MYLK3: variants seen among roughly 807,000 people sequenced by gnomAD.
MYLK3 encodes myosin light chain kinase 3.
In MYLK3, 55 loss-of-function variants were observed where a neutral mutation model predicts 76.3. The ratio of observed to expected loss-of-function variants is 0.72; its 90% confidence interval spans 0.58 to 0.90. The LOEUF is 0.90. Among genes scored for constraint, MYLK3 ranks in the 40% least tolerant of loss-of-function variants. The probability of loss-of-function intolerance (pLI) is 0.00; values close to 1 mark genes in which losing one functional copy is unlikely to be tolerated. For missense variants in MYLK3, 973 were observed against 1,053.6 expected, an observed-to-expected ratio of 0.92 and a Z score of 1.06; for synonymous variants, 416 against 425.4, an observed-to-expected ratio of 0.98 and a Z score of 0.27.
intron 1 of MYLK3, among the ~76,000 whole-genome samples, chr16:46,747,094 C>T (rs1309084224): frequency 6.6e-6 from 1 of 152,186 alleles, no homozygotes; most frequent in African/African-American, 2.4e-5. Flanking sequence ...ACCTCACCCC[C>T]CATATCCTTC....
rs760109799 is a variant in MYLK3, at chr16:46,747,920, C to T, written c.274G>A (p.Glu92Lys). ...PHIDTQAGWP[E>K]VLELVRAMQQ... ...ATGGCCCTCACCAGCTCCAGGACCT[C>T]GGGCCACCCAGCCTGGGTGTCAATG... The change falls in exon 1 of 13, where the codon GAG (glutamate) becomes AAG (lysine). Residue 92 changes from glutamate (E) to lysine (K), a missense_variant. Physicochemically the swap from Glu to Lys is moderately conservative, Grantham distance 56. Transcript: ENST00000394809. 8 of 1,613,594 alleles carry T rather than the reference C, an allele frequency of 5.0e-6. No homozygotes were observed. The highest frequency in any genetic ancestry group is 4.5e-5 in the East Asian group (2 of 44,886).
intron 3 of MYLK3, among the ~76,000 whole-genome samples, chr16:46,733,817 G>A (rs187428130): frequency 6.6e-6 from 1 of 152,292 alleles, no homozygotes; most frequent in East Asian, 1.9e-4. Context: ...AGGTGGCCTC[G>A]ATTCTGGGCT....
chr16:46,709,097 T>A (rs1966656108), intron 12 of MYLK3, among the ~76,000 whole-genome samples: 1 of 152,198 alleles, frequency 6.6e-6, no homozygotes, highest in Admixed American at 6.5e-5. Flanking sequence ...CCCTAAATAA[T>A]CTTTCTGTTT....
At chr16:46,713,482 G>A (rs1966705933) in intron 9 of MYLK3, among the ~76,000 whole-genome samples, 1 of 152,098 alleles carries the variant, frequency 6.6e-6, no homozygotes, top group Non-Finnish European at 1.5e-5. Context: ...ACATGCATGA[G>A]CCACTACACC....
intron 9 of MYLK3, among the ~76,000 whole-genome samples, chr16:46,719,730 GC>G (rs1311005711): frequency 6.6e-6 from 1 of 152,212 alleles, no homozygotes; most frequent in East Asian, 1.9e-4. Context: ...CACCACCCCT[GC>G]CCTCCAGGAA....
In MYLK3 at chr16:46,730,488, G is replaced by C. The variant is rs114514148; in HGVS notation, c.1568+105C>G. ...ACCCCAGCCTTGGCTCCATCAGCTC[G>C]AGAGAGAGTCATCCTGCAGCACCCA... is the stretch of plus-strand genomic sequence containing the variant. On this transcript the variant is annotated intron_variant, in intron 5 of 12. Coordinates refer to ENST00000394809, the MANE Select transcript of MYLK3 (RefSeq NM_182493.3). The C allele has an allele frequency of 2.1e-3, 1,914 of 912,124 alleles. 22 individuals are homozygous for C. In the African/African-American group the frequency reaches 0.027, roughly 13 times the overall value. 56.5% of individuals were successfully genotyped at this position (912,124 alleles called of 1,614,324 possible).
At chr16:46,723,650 CTTT>C (rs34270947) in intron 8 of MYLK3, among the ~76,000 whole-genome samples, 1 of 130,514 alleles carries the variant, frequency 7.7e-6, no homozygotes, top group African/African-American at 2.9e-5. Flanking sequence ...CTAGCTGATG[CTTT>C]TTTTTTTTTT....
At chr16:46,729,454 G>T in intron 6 of MYLK3, 140 bp downstream of exon 6, 1 of 784,146 alleles carries the variant, frequency 1.3e-6, no homozygotes, top group African/African-American at 1.7e-5. Flanking sequence ...GAAGGGGACT[G>T]CCTGACTGGA....
chr16:46,714,211 A>G (rs1173798197), intron 9 of MYLK3, among the ~76,000 whole-genome samples: 2 of 152,212 alleles, frequency 1.3e-5, no homozygotes, highest in Non-Finnish European at 2.9e-5. Flanking sequence ...ATACATGTAT[A>G]GCATCTCTTT....
At chr16:46,743,560 C>T (rs1014957837) in intron 1 of MYLK3, among the ~76,000 whole-genome samples, 7 of 152,188 alleles carry the variant, frequency 4.6e-5, no homozygotes, top group Non-Finnish European at 8.8e-5. Context: ...AACCTAAAGA[C>T]ATTCCTAACA....
At chr16:46,730,762 G>C (rs56317718) in intron 4 of MYLK3, 64 bp from the exon 5 acceptor site, 790 of 1,429,046 alleles carry the variant, frequency 5.5e-4, no homozygotes, top group Non-Finnish European at 7.2e-4. Flanking sequence ...TCGGTCACCT[G>C]TGCCAGACCC....
intron 8 of MYLK3, chr16:46,726,414 A>T (rs533980845): frequency 2.6e-5 from 4 of 152,082 alleles, no homozygotes; most frequent in South Asian, 4.2e-4. Context: ...TCTATACAAA[A>T]TACAAAAATT....
At chr16:46,710,823 A>C (rs1966676374) in intron 10 of MYLK3, 34 bp from the exon 11 acceptor site, 2 of 1,613,158 alleles carry the variant, frequency 1.2e-6, no homozygotes, top group African/African-American at 2.7e-5. Context: ...CAGTAGGTGG[A>C]GGCCACATTT....
chr16:46,740,532 C>A (rs1966912265), intron 1 of MYLK3, among the ~76,000 whole-genome samples: 1 of 37,802 alleles, frequency 2.6e-5, no homozygotes. Context: ...TATATATATA[C>A]ATACATATAT....
In MYLK3 at chr16:46,703,822, C is replaced by T. The variant is rs1966599600; in HGVS notation, c.*3882G>A. 1.3e-5 allele frequency: 2 copies of T among 153,770 alleles called. No individual in the cohort carries two copies. Among genetic ancestry groups the T allele is most frequent in the South Asian group, 4.1e-4 (2 of 4,830 alleles). The allele number at this position is 153,770 out of a possible 1,614,324, so 9.5% of individuals were successfully genotyped here. ...AAAATTGTTAGATACAGGATTCTCT[C>T]TAGATCTGCCCTGTCCAATATAGAT... is the stretch of plus-strand genomic sequence containing the variant. On this transcript the variant is annotated 3_prime_UTR_variant, in exon 13 of 13. Transcript: ENST00000394809.
intron 1 of MYLK3, among the ~76,000 whole-genome samples, chr16:46,745,473 G>A (rs1967005832): frequency 1.3e-5 from 2 of 152,202 alleles, no homozygotes; most frequent in Admixed American, 1.3e-4. Flanking sequence ...GCCAGGAGCG[G>A]TAACTCACAC....
rs1378535505 is a variant in MYLK3 at position 46,729,595 on chromosome 16, C to T, written c.1661G>A (p.Arg554Gln). The T allele has an allele frequency of 9.9e-6, 16 of 1,613,362 alleles. No individual in the cohort carries two copies. The highest frequency in any genetic ancestry group is 4.0e-5 in the African/African-American group (3 of 74,848). Residue 554 changes from arginine to glutamine, a missense_variant and splice_region_variant, in exon 6 of 13, where the codon CGG becomes CAG. By Grantham distance (43) the Arg-to-Gln change is conservative (BLOSUM62 1). Coordinates refer to ENST00000394809, the MANE Select transcript of MYLK3 (RefSeq NM_182493.3). ...KIIKVKSAKD[R>Q]EDVKNEINIM... ...ACCTGGCCCAGCCAGATGCCTCACC[C>T]GGTCCTTGGCGCTCTTCACTTTGAT... is the stretch of plus-strand genomic sequence containing the variant.
chr16:46,740,084 G>A lies in MYLK3; in HGVS notation c.541C>T (p.Gln181Ter), dbSNP rs1966904003. The A allele has an allele frequency of 6.2e-7, 1 of 1,612,948 alleles. No homozygotes were observed. Among genetic ancestry groups the A allele is most frequent in the East Asian group, 2.2e-5 (1 of 44,864 alleles). ...PKHVLSTSGVQSDAREPGEES... is the reference protein window; with the variant it reads ...PKHVLSTSGV ...TCCCCAGGCTCCCTGGCATCAGACT[G>A]CACCCCACTGGTGCTCAGCACATGC... Residue 181 changes from glutamine (Q) to a stop codon, truncating the protein, a stop_gained, in exon 2 of 13, where the codon CAG becomes TAG. Coordinates refer to ENST00000394809, the MANE Select transcript of MYLK3 (RefSeq NM_182493.3). LOFTEE classifies it high-confidence loss of function.
intron 7 of MYLK3, among the ~76,000 whole-genome samples, chr16:46,727,856 T>C (rs1480616815): frequency 6.6e-6 from 1 of 152,078 alleles, no homozygotes; most frequent in African/African-American, 2.4e-5. Flanking sequence ...GGACCTTTGC[T>C]CCAGTCTGCT....
Sources: allele counts gnomAD v4.1 joint callset (sites outside exome capture counted in the v4.1 genomes callset), GRCh38; gene constraint gnomAD v4.1.1; transcripts MANE v1.5; gene names NCBI Gene and HGNC (gene_info 2026-07-23, HGNC 2026-07-21).